Variants in EPHA3 observed in about 807,000 individuals in gnomAD.
The protein encoded by EPHA3 is ephrin type-A receptor 3.
EPHA3 carries 42 observed loss-of-function variants against 107.1 expected under a neutral mutation model. The ratio of observed to expected loss-of-function variants is 0.39; its 90% CI spans 0.31 to 0.51. The LOEUF (loss-of-function observed/expected upper bound fraction) is 0.51, where lower values mean the gene tolerates loss of function less well. Ranked by LOEUF, EPHA3 falls within the 20% of genes least tolerant of loss-of-function variation. EPHA3 has a pLI of 0.78. For synonymous variants in EPHA3, 461 were observed against 424.8 expected (o/e 1.09, Z -1.05); for missense variants, 1,183 against 1,211.2 (o/e 0.98, Z 0.35).
intron 3 of EPHA3, among the ~76,000 whole-genome samples, chr3:89,240,886 T>C (rs1308318165): frequency 6.6e-6 from 1 of 152,030 alleles, no homozygotes; most frequent in African/African-American, 2.4e-5. Context: ...AGAAACAAAA[T>C]TTTAAATTGA....
intron 13 of EPHA3, among the ~76,000 whole-genome samples, chr3:89,438,997 T>G (rs1709727633): frequency 6.6e-6 from 1 of 152,100 alleles, no homozygotes; most frequent in Non-Finnish European, 1.5e-5. Context: ...AATTGTGAAG[T>G]GGAACACAGG....
chr3:89,169,688 A>G (rs984274489), intron 2 of EPHA3, among the ~76,000 whole-genome samples: 4 of 152,178 alleles, frequency 2.6e-5, no homozygotes, highest in African/African-American at 9.7e-5. Flanking sequence ...TTTTTGTGGG[A>G]TCATATGGCT....
intron 3 of EPHA3, among the ~76,000 whole-genome samples, chr3:89,245,528 T>A (rs1467630070): frequency 1.3e-5 from 2 of 152,240 alleles, no homozygotes; most frequent in Non-Finnish European, 2.9e-5. Context: ...CAGCTTGATT[T>A]CATAAAAAGA....
At chr3:89,290,882 A>G (rs1706193438) in intron 3 of EPHA3, among the ~76,000 whole-genome samples, 1 of 152,146 alleles carries the variant, frequency 6.6e-6, no homozygotes, top group Non-Finnish European at 1.5e-5. Flanking sequence ...GTTAGATGTA[A>G]GGTTATTAAT....
At chr3:89,137,521 T>G (rs1343908049) in intron 2 of EPHA3, among the ~76,000 whole-genome samples, 1 of 152,002 alleles carries the variant, frequency 6.6e-6, no homozygotes, top group Non-Finnish European at 1.5e-5. Context: ...CAAATGATAG[T>G]CATTGAACCT....
chr3:89,132,209 G>T (rs1458584478), intron 2 of EPHA3, among the ~76,000 whole-genome samples: 4 of 152,162 alleles, frequency 2.6e-5, no homozygotes, highest in Non-Finnish European at 5.9e-5. Flanking sequence ...GAAAGGCAGA[G>T]CCCAGTGAGC....
chr3:89,231,001 T>C (rs1231978351), intron 3 of EPHA3, among the ~76,000 whole-genome samples: 2 of 152,136 alleles, frequency 1.3e-5, no homozygotes, highest in Admixed American at 6.6e-5. Flanking sequence ...ATATTATGTT[T>C]ATTCTGAATA....
rs141908327 is a variant in EPHA3, at chr3:89,294,904, A to G, written c.815-46012A>G. ...GAATTTTATCTTTTGCATGCTTCATATTTTTGTATTCTTATTAATATTCTT... is the reference window on the plus strand; with the variant it reads ...GAATTTTATCTTTTGCATGCTTCATGTTTTTGTATTCTTATTAATATTCTT... On this transcript the variant is annotated intron_variant, in intron 3 of 16. Transcript: ENST00000336596. Among the ~76,000 whole-genome samples the G allele has an allele frequency of 4.8e-3, 726 of 152,108 alleles. 8 individuals carry two copies. Among genetic ancestry groups the G allele is most frequent in the African/African-American group, 0.016 (673 of 41,502 alleles).
At chr3:89,252,816 G>T (rs571434842) in intron 3 of EPHA3, among the ~76,000 whole-genome samples, 1 of 150,306 alleles carries the variant, frequency 6.7e-6, no homozygotes, top group Non-Finnish European at 1.5e-5. Flanking sequence ...GGAGTTTATT[G>T]TTCATTAAGA....
At chr3:89,112,228 GA>G (rs1474840472) in intron 1 of EPHA3, among the ~76,000 whole-genome samples, 1 of 152,036 alleles carries the variant, frequency 6.6e-6, no homozygotes, top group Non-Finnish European at 1.5e-5. Flanking sequence ...ATATTGTACA[GA>G]ATCAGATCTT....
chr3:89,448,895 A>G (rs1203839129), intron 13 of EPHA3, among the ~76,000 whole-genome samples: 1 of 152,006 alleles, frequency 6.6e-6, no homozygotes, highest in Non-Finnish European at 1.5e-5. Flanking sequence ...ATTCTAATAC[A>G]TGTCATGTCA....
rs1275174664 is a variant in EPHA3 at position 89,472,576 on chromosome 3, G to A, written c.2803G>A (p.Val935Met). The A allele has an allele frequency of 3.1e-6, 5 of 1,613,796 alleles. No homozygotes were observed. The highest frequency in any genetic ancestry group is 3.3e-5 in the Admixed American group (2 of 59,994). ...ACACTGCAAGGAAATCTTCACGGGTGTGGAGTACAGTTCTTGTGACACAAT... is the reference window on the plus strand; with the variant it reads ...ACACTGCAAGGAAATCTTCACGGGTATGGAGTACAGTTCTTGTGACACAAT... ...TAHCKEIFTG[V>M]EYSSCDTIAK... Residue 935 changes from valine (V) to methionine (M), a missense_variant, in exon 16 of 17, where the codon GTG (valine) becomes ATG (methionine). Coordinates refer to ENST00000336596, the MANE Select transcript of EPHA3 (RefSeq NM_005233.6).
intron 1 of EPHA3, among the ~76,000 whole-genome samples, chr3:89,109,522 T>C (rs565947952): frequency 6.6e-6 from 1 of 152,116 alleles, no homozygotes; most frequent in African/African-American, 2.4e-5. Flanking sequence ...ATTACTGAAT[T>C]AATTATGCAC....
intron 3 of EPHA3, among the ~76,000 whole-genome samples, chr3:89,253,872 T>A (rs1366098008): frequency 1.3e-5 from 2 of 152,046 alleles, no homozygotes; most frequent in East Asian, 3.9e-4. Context: ...CTCATGATCT[T>A]GCATTTTGAT....
intron 12 of EPHA3, among the ~76,000 whole-genome samples, chr3:89,430,252 C>T (rs1430342484): frequency 5.9e-5 from 9 of 151,868 alleles, no homozygotes; most frequent in Admixed American, 5.9e-4. Flanking sequence ...TTGAGATGGG[C>T]AGATGACAGA....
At chr3:89,351,925 CAAAAAAA>C (rs71621543) in intron 5 of EPHA3, among the ~76,000 whole-genome samples, 1 of 84,036 alleles carries the variant, frequency 1.2e-5, no homozygotes, top group Non-Finnish European at 2.6e-5. Context: ...AAGGCAGATG[CAAAAAAA>C]AAAAAAAAAG....
intron 2 of EPHA3, among the ~76,000 whole-genome samples, chr3:89,203,609 TA>T (rs1020829091): frequency 3.4e-5 from 5 of 149,216 alleles, no homozygotes; most frequent in Non-Finnish European, 3.0e-5. Context: ...CCGTCTCTAC[TA>T]AAAAAAAATA....
At position 89,378,199 on chromosome 3, in the gene EPHA3, C is replaced by T. The variant is rs1264030130; in HGVS notation, c.1307-17638C>T. On this transcript the variant is annotated intron_variant, in intron 5 of 16. Transcript: ENST00000336596. ...ATGGGTTCAGCAAACCACCATAGCA[C>T]GTGTATACCTATGCAACAAAGGGGG... Among the ~76,000 whole-genome samples, 4 of 151,950 alleles carry T rather than the reference C, an allele frequency of 2.6e-5. No individual in the cohort carries two copies. The South Asian group carries it at 6.2e-4, about 24-fold the overall frequency.
intron 10 of EPHA3, among the ~76,000 whole-genome samples, chr3:89,416,677 C>T (rs559816584): frequency 6.6e-6 from 1 of 151,336 alleles, no homozygotes; most frequent in East Asian, 1.9e-4. Flanking sequence ...GCGGCTATTT[C>T]TAGTGTTTAT....
Sources: gnomAD v4.1 joint callset for allele counts (sites outside exome capture counted in the v4.1 genomes callset) on GRCh38, gnomAD v4.1.1 for gene constraint, MANE v1.5 for transcripts, NCBI Gene and HGNC (gene_info 2026-07-23, HGNC 2026-07-21) for gene names.